TRDN: variants seen among roughly 807,000 people sequenced by gnomAD.
TRDN encodes triadin in skeletal muscle.
In TRDN, 161 loss-of-function variants were observed where a neutral mutation model predicts 149.7. The observed-to-expected ratio is 1.08, with a 90% CI of 0.95 to 1.23. TRDN has a LOEUF of 1.23. TRDN is among the 50% of genes most tolerant of loss of function. The pLI is 0.00. For synonymous variants in TRDN, 294 were observed against 250.5 expected (o/e 1.17, Z -1.64); for missense variants, 896 against 823.5 (o/e 1.09, Z -1.08).
At chr6:123,292,859 G>A (rs1447138089) in intron 24 of TRDN, among the ~76,000 whole-genome samples, 1 of 152,144 alleles carries the variant, frequency 6.6e-6, no homozygotes, top group East Asian at 1.9e-4. Flanking sequence ...GGGTGGGAAT[G>A]GGAGCTACAG....
chr6:123,505,427 T>C (rs1778880352), intron 7 of TRDN, among the ~76,000 whole-genome samples: 1 of 152,042 alleles, frequency 6.6e-6, no homozygotes, highest in Admixed American at 6.6e-5. Flanking sequence ...ATCTGTGGTA[T>C]CGCACTTAAT....
rs1322738447 is a variant in TRDN at position 123,221,480 on chromosome 6, A to C, written c.2050+7T>G. On this transcript the variant is annotated splice_region_variant and intron_variant, in intron 40 of 40. Transcript: ENST00000334268. ...ATTTATTACTTTTAATCTCATTATA[A>C]ACTTACTTTTCTGCTTTGTGGGAGA... 1.3e-6 allele frequency: 2 copies of C among 1,549,484 alleles called. No individual in the cohort carries two copies. The highest frequency in any genetic ancestry group is 2.3e-5 in the South Asian group (2 of 87,374).
At chr6:123,424,323 A>T (rs1774028163) in intron 12 of TRDN, among the ~76,000 whole-genome samples, 1 of 152,106 alleles carries the variant, frequency 6.6e-6, no homozygotes, top group African/African-American at 2.4e-5. Flanking sequence ...TTCCACAATG[A>T]CATTCACACA....
At chr6:123,521,785 C>T (rs1291075728) in intron 5 of TRDN, among the ~76,000 whole-genome samples, 2 of 152,100 alleles carry the variant, frequency 1.3e-5, no homozygotes, top group African/African-American at 4.8e-5. Context: ...TGAGGTCCTT[C>T]CAGAAAACTG....
At chr6:123,532,005 C>A (rs924030545) in intron 4 of TRDN, among the ~76,000 whole-genome samples, 1 of 151,928 alleles carries the variant, frequency 6.6e-6, no homozygotes, top group Non-Finnish European at 1.5e-5. Flanking sequence ...TCCTACAGGG[C>A]AAAATGAATC....
chr6:123,635,140 C>G (rs1786238235), intron 1 of TRDN, among the ~76,000 whole-genome samples: 1 of 151,984 alleles, frequency 6.6e-6, no homozygotes, highest in Non-Finnish European at 1.5e-5. Flanking sequence ...ACGCTCGTAG[C>G]TATCTTAATA....
chr6:123,468,033 C>T (rs891076454), intron 9 of TRDN, among the ~76,000 whole-genome samples: 2 of 151,996 alleles, frequency 1.3e-5, no homozygotes, highest in Admixed American at 6.6e-5. Context: ...TGATGAAGCA[C>T]CCAGTGCATG....
intron 36 of TRDN, 44 bp from the exon 37 acceptor site, chr6:123,255,169 T>TA: frequency 1.1e-6 from 1 of 921,936 alleles, no homozygotes; most frequent in South Asian, 2.0e-5. Flanking sequence ...ATTTTTAAAG[T>TA]AAATTTCCAT....
chr6:123,356,518 T>TGTATATATACATATATATATAC (rs1562275949), intron 20 of TRDN, among the ~76,000 whole-genome samples: 47 of 17,700 alleles, frequency 2.7e-3, no homozygotes, highest in African/African-American at 6.5e-3. Flanking sequence ...TATATATATA[T>TGTATATATACATATATATATAC]ATATATATAT....
chr6:123,519,963 A>T (rs954958005), intron 5 of TRDN, among the ~76,000 whole-genome samples: 2 of 152,066 alleles, frequency 1.3e-5, no homozygotes, highest in African/African-American at 4.8e-5. Flanking sequence ...ATATATCTAT[A>T]TTTTAATTTG....
chr6:123,290,909 C>T (rs966465997), intron 24 of TRDN, among the ~76,000 whole-genome samples: 6 of 152,118 alleles, frequency 3.9e-5, no homozygotes, highest in South Asian at 2.1e-4. Flanking sequence ...GTAATCTCAG[C>T]ACTTTGGTAG....
chr6:123,443,048 G>C (rs1775022980), intron 10 of TRDN, among the ~76,000 whole-genome samples: 1 of 152,062 alleles, frequency 6.6e-6, no homozygotes, highest in South Asian at 2.1e-4. Flanking sequence ...TATTTACCAA[G>C]TGAAATATGC....
In TRDN at chr6:123,218,625, T is replaced by C; in HGVS notation, c.2166A>G (p.Pro722=). 6.2e-7 allele frequency: 1 copy of C among 1,611,742 alleles called. No homozygotes were observed. The highest frequency in any genetic ancestry group is 8.5e-7 in the Non-Finnish European group (1 of 1,178,584). Residue 722 remains proline (P), a synonymous_variant, in exon 41 of 41, where the codon CCA becomes CCG. Transcript: ENST00000334268. ...PGESSGQANS[P]GQKQQGQ ...TTTACTGTCCTTGTTGCTTCTGTCC[T>C]GGAGAATTTGCTTGACCAGAGCTCT...
At chr6:123,336,561 G>T (rs1779878299) in intron 22 of TRDN, among the ~76,000 whole-genome samples, 1 of 151,746 alleles carries the variant, frequency 6.6e-6, no homozygotes, top group African/African-American at 2.4e-5. Context: ...CCCTCTCATA[G>T]CATCCTGTGT....
intron 9 of TRDN, among the ~76,000 whole-genome samples, chr6:123,477,494 C>G (rs936435823): frequency 9.5e-5 from 14 of 148,030 alleles, no homozygotes; most frequent in Non-Finnish European, 1.5e-4. Context: ...TTGTGGAAGT[C>G]AGTGTGGCGA....
At chr6:123,228,089 A>T (rs539496797) in intron 38 of TRDN, among the ~76,000 whole-genome samples, 1 of 151,610 alleles carries the variant, frequency 6.6e-6, no homozygotes, top group African/African-American at 2.4e-5. Context: ...TCCCATGAAT[A>T]GTACACCTGC....
intron 12 of TRDN, among the ~76,000 whole-genome samples, chr6:123,433,223 C>T (rs1252814245): frequency 1.4e-5 from 2 of 146,066 alleles, no homozygotes; most frequent in African/African-American, 5.0e-5. Context: ...TGAGTCCTTT[C>T]AATACATCAG....
At chr6:123,361,300 C>A (rs1299891860) in intron 20 of TRDN, among the ~76,000 whole-genome samples, 1 of 151,980 alleles carries the variant, frequency 6.6e-6, no homozygotes, top group Admixed American at 6.6e-5. Context: ...ACCAACATTG[C>A]ATGTTCTCAC....
At chr6:123,555,003 AAT>A (rs1781574026) in intron 2 of TRDN, among the ~76,000 whole-genome samples, 1 of 152,166 alleles carries the variant, frequency 6.6e-6, no homozygotes, top group Non-Finnish European at 1.5e-5. Context: ...CAGTGAATTT[AAT>A]AGTCTTCTGA....
Sources: allele counts gnomAD v4.1 joint callset (sites outside exome capture counted in the v4.1 genomes callset), GRCh38; gene constraint gnomAD v4.1.1; transcripts MANE v1.5; gene names NCBI Gene and HGNC (gene_info 2026-07-23, HGNC 2026-07-21).